The following MB21D2 variants were observed in gnomAD, a reference collection of about 807,000 sequenced individuals.
The protein encoded by MB21D2 is nucleotidyltransferase MB21D2.
MB21D2 carries 9 observed loss-of-function variants against 33.3 expected under a neutral mutation model. The observed-to-expected ratio is 0.27, with a 90% CI of 0.16 to 0.47. MB21D2 has a LOEUF of 0.47. MB21D2 is among the 20% of genes least tolerant of loss of function. The probability of loss-of-function intolerance (pLI) is 0.99; values close to 1 mark genes in which losing one functional copy is unlikely to be tolerated. For missense variants in MB21D2, 540 were observed against 624.6 expected (o/e 0.86, Z 1.44); for synonymous variants, 241 against 236.3 (o/e 1.02, Z -0.18).
chr3:192,806,464 A>G (rs994255777), intron 1 of MB21D2, among the ~76,000 whole-genome samples: 1 of 152,188 alleles, frequency 6.6e-6, no homozygotes, highest in African/African-American at 2.4e-5. Flanking sequence ...GGACCTGTGC[A>G]GCTCAAACCT....
chr3:192,804,932 T>C (rs762188313), intron 1 of MB21D2, among the ~76,000 whole-genome samples: 2 of 152,244 alleles, frequency 1.3e-5, no homozygotes, highest in Middle Eastern at 3.2e-3. Flanking sequence ...AAATTCTTAA[T>C]GACCCCAGTT....
At chr3:192,851,153 T>C (rs910374832) in intron 1 of MB21D2, among the ~76,000 whole-genome samples, 2 of 152,156 alleles carry the variant, frequency 1.3e-5, no homozygotes, top group African/African-American at 4.8e-5. Flanking sequence ...AAATGAGGTA[T>C]AGCCACACCA....
At chr3:192,884,569 G>T (rs367809443) in intron 1 of MB21D2, among the ~76,000 whole-genome samples, 8 of 151,978 alleles carry the variant, frequency 5.3e-5, no homozygotes, top group Non-Finnish European at 7.4e-5. Flanking sequence ...GGGTTTCACC[G>T]TGTTAGCCAG....
rs369049663 is a variant in MB21D2, at chr3:192,889,901, A to G, written c.211+27729T>C. Among the ~76,000 whole-genome samples the G allele has an allele frequency of 7.4e-4, 113 of 152,230 alleles. 2 individuals carry two copies. The highest frequency in any genetic ancestry group is 2.5e-3 in the African/African-American group (103 of 41,490). On this transcript the variant is annotated intron_variant, in intron 1 of 1. Transcript: ENST00000392452. ...CAGAGTCAACACTTCGTTTAACAAAATAAAATAATAAAAGTGTTGCTTAGT... is the reference window on the plus strand; with the variant it reads ...CAGAGTCAACACTTCGTTTAACAAAGTAAAATAATAAAAGTGTTGCTTAGT...
At chr3:192,897,862 G>C (rs1714011466) in intron 1 of MB21D2, among the ~76,000 whole-genome samples, 1 of 151,980 alleles carries the variant, frequency 6.6e-6, no homozygotes, top group Non-Finnish European at 1.5e-5. Flanking sequence ...AGGGCATGTA[G>C]TCCCAGCTAC....
At chr3:192,882,658 G>C (rs1301989461) in intron 1 of MB21D2, among the ~76,000 whole-genome samples, 1 of 151,802 alleles carries the variant, frequency 6.6e-6, no homozygotes, top group African/African-American at 2.4e-5. Flanking sequence ...CATTTTAGAT[G>C]TATATAATTT....
At chr3:192,878,945 TG>T (rs1713501394) in intron 1 of MB21D2, among the ~76,000 whole-genome samples, 1 of 152,106 alleles carries the variant, frequency 6.6e-6, no homozygotes, top group South Asian at 2.1e-4. Flanking sequence ...GCCTGGGCTA[TG>T]GAGGGACACT....
At chr3:192,811,708 G>C (rs550823708) in intron 1 of MB21D2, among the ~76,000 whole-genome samples, 1 of 152,098 alleles carries the variant, frequency 6.6e-6, no homozygotes, top group African/African-American at 2.4e-5. Flanking sequence ...GCTTTGGAGA[G>C]GTGAAAATCC....
intron 1 of MB21D2, among the ~76,000 whole-genome samples, chr3:192,915,501 T>A (rs1439324821): frequency 6.6e-6 from 1 of 152,274 alleles, no homozygotes; most frequent in South Asian, 2.1e-4. Flanking sequence ...ATCTGCCTTC[T>A]AGTGTCCAGA....
At chr3:192,809,370 C>T (rs1711737560) in intron 1 of MB21D2, among the ~76,000 whole-genome samples, 1 of 152,192 alleles carries the variant, frequency 6.6e-6, no homozygotes, top group Non-Finnish European at 1.5e-5. Context: ...GCTGGGATTA[C>T]AGGCGTGAGC....
chr3:192,824,938 C>T (rs1367680719), intron 1 of MB21D2, among the ~76,000 whole-genome samples: 1 of 152,210 alleles, frequency 6.6e-6, no homozygotes, highest in East Asian at 1.9e-4. Flanking sequence ...TCCTCTCAAT[C>T]TTTACCTTCT....
At chr3:192,891,322 T>C (rs972936268) in intron 1 of MB21D2, among the ~76,000 whole-genome samples, 2 of 152,200 alleles carry the variant, frequency 1.3e-5, no homozygotes, top group Non-Finnish European at 2.9e-5. Flanking sequence ...AGCCGATTCA[T>C]AACATCTGGA....
At chr3:192,821,076 A>C in intron 1 of MB21D2, among the ~76,000 whole-genome samples, 1 of 152,164 alleles carries the variant, frequency 6.6e-6, no homozygotes, top group East Asian at 1.9e-4. Context: ...CCTTCAAATA[A>C]CAATGAACAC....
chr3:192,873,018 C>A (rs111745266), intron 1 of MB21D2, among the ~76,000 whole-genome samples: 7 of 151,830 alleles, frequency 4.6e-5, no homozygotes, highest in South Asian at 2.1e-4. Flanking sequence ...CACCCCCCCC[C>A]ACCAAGCAAG....
intron 1 of MB21D2, among the ~76,000 whole-genome samples, chr3:192,825,484 G>GA (rs1385216020): frequency 3.7e-5 from 5 of 133,442 alleles, no homozygotes; most frequent in Admixed American, 6.9e-5. Flanking sequence ...GAAATAAAAA[G>GA]AAAAAAATCA....
At chr3:192,824,878 C>A (rs1022749833) in intron 1 of MB21D2, among the ~76,000 whole-genome samples, 2 of 152,090 alleles carry the variant, frequency 1.3e-5, no homozygotes, top group Admixed American at 6.5e-5. Context: ...AGAAAAGGTG[C>A]GCAGAAAGTC....
In MB21D2 at chr3:192,798,405, A is replaced by G; in HGVS notation, c.1457T>C (p.Ile486Thr). Residue 486 changes from isoleucine to threonine, a missense_variant, in exon 2 of 2, where the codon ATT (isoleucine) becomes ACT (threonine). Coordinates refer to ENST00000392452, the MANE Select transcript of MB21D2 (RefSeq NM_178496.4). This position sits in a 1 kb window ranked among gnomAD's most constrained non-coding sequence, Gnocchi z 4.8. ...PDDVTRPHFRIDDKFF is the reference protein window; with the variant it reads ...PDDVTRPHFRTDDKFF ...TAACACTCAGAAAAATTTGTCATCA[A>G]TTCTGAAATGGGGCCTTGTGACATC... 6.2e-7 allele frequency: 1 copy of G among 1,613,940 alleles called. No individual in the cohort carries two copies. Among genetic ancestry groups the G allele is most frequent in the Non-Finnish European group, 8.5e-7 (1 of 1,179,784 alleles).
At chr3:192,849,319 G>GA (rs1266476188) in intron 1 of MB21D2, among the ~76,000 whole-genome samples, 2 of 134,240 alleles carry the variant, frequency 1.5e-5, no homozygotes, top group Non-Finnish European at 3.3e-5. Context: ...CTTTTTTTGG[G>GA]GGGGGGGCGG....
intron 1 of MB21D2, among the ~76,000 whole-genome samples, chr3:192,845,932 C>T (rs1321693566): frequency 1.5e-5 from 2 of 133,070 alleles, no homozygotes; most frequent in Non-Finnish European, 2.9e-5. Flanking sequence ...TAAAAAATAA[C>T]TTAACTGGGC....
Sources: allele counts gnomAD v4.1 joint callset (sites outside exome capture counted in the v4.1 genomes callset), GRCh38; gene constraint gnomAD v4.1.1; non-coding constraint Gnocchi (gnomAD v3.1); transcripts MANE v1.5; gene names NCBI Gene and HGNC (gene_info 2026-07-23, HGNC 2026-07-21).